Variants in SPTLC1 observed in about 807,000 individuals in gnomAD.
SPTLC1 encodes the protein serine palmitoyltransferase long chain base subunit 1.
In SPTLC1, 55 loss-of-function variants were observed where a neutral mutation model predicts 68.9. The observed-to-expected ratio is 0.80, with a 90% confidence interval of 0.64 to 1.00. SPTLC1 has a LOEUF of 1.00. Ranked by LOEUF, SPTLC1 falls within the 50% of genes least tolerant of loss-of-function variation. The pLI, the probability that SPTLC1 is intolerant of heterozygous loss-of-function variation, is 0.00. For missense variants in SPTLC1, 449 were observed against 573.1 expected, an observed-to-expected ratio of 0.78 and a Z score of 2.21; for synonymous variants, 197 against 201.6, an observed-to-expected ratio of 0.98 and a Z score of 0.19.
chr9:92,045,929 A>T, intron 12 of SPTLC1, 70 bp downstream of exon 12: 1 of 1,448,160 alleles, frequency 6.9e-7, no homozygotes, highest in Non-Finnish European at 9.6e-7. Flanking sequence ...CTAGAAATTT[A>T]AAACTTTCCA....
chr9:92,079,881 C>T, intron 5 of SPTLC1, 135 bp downstream of exon 5: 2 of 797,398 alleles, frequency 2.5e-6, no homozygotes, highest in Non-Finnish European at 4.4e-6. Flanking sequence ...TATCAAATTC[C>T]TGGGCTCAAG....
chr9:92,089,040 A>C (rs1458420426), intron 3 of SPTLC1, among the ~76,000 whole-genome samples: 1 of 152,262 alleles, frequency 6.6e-6, no homozygotes. Flanking sequence ...GCCACTGCCC[A>C]AGAACGCGAG....
At chr9:92,073,634 C>CG (rs1248774935) in intron 5 of SPTLC1, among the ~76,000 whole-genome samples, 3 of 149,870 alleles carry the variant, frequency 2.0e-5, no homozygotes, top group Non-Finnish European at 4.4e-5. Flanking sequence ...TCTTAACATG[C>CG]ATTTTATTAC....
At chr9:92,080,451 C>G (rs1323642009) in intron 4 of SPTLC1, among the ~76,000 whole-genome samples, 1 of 152,242 alleles carries the variant, frequency 6.6e-6, no homozygotes, top group Non-Finnish European at 1.5e-5. Flanking sequence ...ATAAGAGACT[C>G]TTGCCTCTCT....
chr9:92,062,807 A>C (rs931048209), intron 6 of SPTLC1, among the ~76,000 whole-genome samples: 10 of 151,940 alleles, frequency 6.6e-5, no homozygotes, highest in Non-Finnish European at 1.0e-4. Context: ...CCTATTTCTT[A>C]AAACAAAACA....
intron 12 of SPTLC1, among the ~76,000 whole-genome samples, chr9:92,041,890 G>C (rs1439418563): frequency 1.3e-5 from 2 of 152,126 alleles, no homozygotes; most frequent in South Asian, 2.1e-4. Flanking sequence ...AATGGATAAA[G>C]TTCAACGTCT....
intron 6 of SPTLC1, among the ~76,000 whole-genome samples, chr9:92,065,521 TAAAAAA>T (rs548936800): frequency 6.8e-5 from 10 of 146,068 alleles, no homozygotes; most frequent in Non-Finnish European, 1.1e-4. Flanking sequence ...TCCTAGCAGT[TAAAAAA>T]AAAAACACAA....
chr9:92,071,769 C>A (rs1439801810), intron 5 of SPTLC1, among the ~76,000 whole-genome samples: 2 of 152,182 alleles, frequency 1.3e-5, no homozygotes, highest in Admixed American at 6.5e-5. Context: ...TCTGGGACAA[C>A]AGGAAAACCA....
chr9:92,056,421 G>A (rs985553066), intron 7 of SPTLC1, among the ~76,000 whole-genome samples: 1 of 152,154 alleles, frequency 6.6e-6, no homozygotes, highest in African/African-American at 2.4e-5. Context: ...TAGAGATGGG[G>A]TTTCACCATG....
intron 10 of SPTLC1, among the ~76,000 whole-genome samples, 169 bp from the exon 11 acceptor site, chr9:92,047,437 G>A (rs534179324): frequency 6.6e-6 from 1 of 152,220 alleles, no homozygotes; most frequent in East Asian, 1.9e-4. Flanking sequence ...AAGACTTTTT[G>A]TTAAATGTGA....
rs369729038 is a variant in SPTLC1, at chr9:92,112,427, T to C, written c.165+28A>G. The C allele has an allele frequency of 3.6e-5, 52 of 1,455,798 alleles. No individual in the cohort carries two copies. In the African/African-American group the frequency reaches 6.7e-4, roughly 19 times the overall value. 90.2% of individuals were successfully genotyped at this position (1,455,798 alleles called of 1,614,324 possible). ...ATAGCAACTATAATCACATACCCAA[T>C]AATTAAAACAGAGATTTAATTTCGT... On this transcript the variant is annotated intron_variant, in intron 2 of 14. Coordinates refer to ENST00000262554, the MANE Select transcript of SPTLC1 (RefSeq NM_006415.4).
At chr9:92,050,287 T>G in intron 8 of SPTLC1, 4 of 495,210 alleles carry the variant, frequency 8.1e-6, no homozygotes, top group South Asian at 6.5e-5. Context: ...AGTGAAGAAT[T>G]TGAATTACCT....
At chr9:92,100,893 C>G (rs1352067918) in intron 3 of SPTLC1, among the ~76,000 whole-genome samples, 1 of 151,890 alleles carries the variant, frequency 6.6e-6, no homozygotes, top group Non-Finnish European at 1.5e-5. Context: ...CTGTGTCCTC[C>G]TAGAACTAAA....
intron 12 of SPTLC1, among the ~76,000 whole-genome samples, chr9:92,039,322 T>C (rs975999664): frequency 2.7e-4 from 41 of 152,232 alleles, no homozygotes; most frequent in African/African-American, 8.4e-4. Context: ...AGGAGAAAGA[T>C]AGATCTTTAG....
At chr9:92,034,379 G>A (rs1025994276) in intron 14 of SPTLC1, among the ~76,000 whole-genome samples, 8 of 152,200 alleles carry the variant, frequency 5.3e-5, no homozygotes, top group Non-Finnish European at 1.2e-4. Context: ...ACTGTTGCTT[G>A]TTTTTTCTCA....
intron 3 of SPTLC1, among the ~76,000 whole-genome samples, chr9:92,090,709 CA>C (rs1303154262): frequency 2.0e-5 from 3 of 151,144 alleles, no homozygotes; most frequent in African/African-American, 4.9e-5. Context: ...CCTGATCAAG[CA>C]GACTAAAGGC....
At chr9:92,102,828 AG>A (rs1835805965) in intron 3 of SPTLC1, among the ~76,000 whole-genome samples, 1 of 152,210 alleles carries the variant, frequency 6.6e-6, no homozygotes, top group Non-Finnish European at 1.5e-5. Flanking sequence ...CTTTGAATAT[AG>A]ATAGTTTTGA....
At chr9:92,066,958 C>T (rs969159302) in intron 6 of SPTLC1, among the ~76,000 whole-genome samples, 25 of 148,724 alleles carry the variant, frequency 1.7e-4, no homozygotes, top group Non-Finnish European at 3.4e-4. Flanking sequence ...TCAGCCTGGG[C>T]GACAAGAGTG....
chr9:92,085,523 T>C (rs1835086937), intron 3 of SPTLC1, among the ~76,000 whole-genome samples: 2 of 151,202 alleles, frequency 1.3e-5, no homozygotes, highest in Non-Finnish European at 3.0e-5. Flanking sequence ...CAGGAGCAGG[T>C]TGTTCAGTTT....
Sources: allele counts gnomAD v4.1 joint callset (sites outside exome capture counted in the v4.1 genomes callset), GRCh38; gene constraint gnomAD v4.1.1; transcripts MANE v1.5; gene names NCBI Gene and HGNC (gene_info 2026-07-23, HGNC 2026-07-21).